Variants in ANO6 observed in about 807,000 individuals in gnomAD.
The protein encoded by ANO6 is anoctamin-6.
Under a neutral mutation model 117.5 loss-of-function variants are expected in ANO6, and 106 were observed. That is an observed-to-expected ratio of 0.90 (90% confidence interval 0.77 to 1.06). The LOEUF is 1.06. Ranked by LOEUF, ANO6 falls within the 50% of genes least tolerant of loss-of-function variation. The probability of loss-of-function intolerance (pLI) is 0.00; values close to 1 mark genes in which losing one functional copy is unlikely to be tolerated. For missense variants in ANO6, 955 were observed against 1,121.1 expected, an observed-to-expected ratio of 0.85 and a Z score of 2.12; for synonymous variants, 367 against 385.1, an observed-to-expected ratio of 0.95 and a Z score of 0.55.
At chr12:45,243,314 C>T (rs1317887317) in intron 1 of ANO6, among the ~76,000 whole-genome samples, 2 of 152,232 alleles carry the variant, frequency 1.3e-5, no homozygotes, top group East Asian at 1.9e-4. Context: ...GTGAGACCCT[C>T]TCTTAAAAAA....
intron 2 of ANO6, chr12:45,313,430 T>C (rs556893410): frequency 7.3e-4 from 111 of 152,212 alleles, no homozygotes; most frequent in African/African-American, 2.6e-3. Context: ...TTTAGCTATC[T>C]TAAAATGATG....
chr12:45,407,250 G>A (rs567573149), intron 15 of ANO6, among the ~76,000 whole-genome samples: 2 of 152,182 alleles, frequency 1.3e-5, no homozygotes, highest in African/African-American at 2.4e-5. Context: ...GCTGACACAA[G>A]TAGTTGCCAG....
chr12:45,296,737 A>C (rs1173115663), intron 1 of ANO6, among the ~76,000 whole-genome samples: 1 of 152,218 alleles, frequency 6.6e-6, no homozygotes, highest in Non-Finnish European at 1.5e-5. Flanking sequence ...TCAGGTTTAG[A>C]TTCCCATTGT....
intron 7 of ANO6, among the ~76,000 whole-genome samples, chr12:45,354,259 A>T (rs1367135355): frequency 6.6e-6 from 1 of 150,750 alleles, no homozygotes; most frequent in Non-Finnish European, 1.5e-5. Context: ...AGAAAATCAT[A>T]CAAAGGATCA....
chr12:45,334,811 T>C (rs1287166548), intron 3 of ANO6, among the ~76,000 whole-genome samples: 1 of 152,062 alleles, frequency 6.6e-6, no homozygotes, highest in East Asian at 1.9e-4. Context: ...CAAAGATGTT[T>C]TACATAAAAC....
intron 10 of ANO6, among the ~76,000 whole-genome samples, chr12:45,379,387 G>C (rs759400438): frequency 6.6e-6 from 1 of 152,170 alleles, no homozygotes; most frequent in Non-Finnish European, 1.5e-5. Flanking sequence ...ATCCCAGTCA[G>C]TTACATTGGC....
At chr12:45,284,667 T>C (rs1371038627) in intron 1 of ANO6, among the ~76,000 whole-genome samples, 2 of 152,238 alleles carry the variant, frequency 1.3e-5, no homozygotes, top group African/African-American at 4.8e-5. Flanking sequence ...GTATGTTTTA[T>C]TTACCTAAAG....
chr12:45,252,449 A>G (rs1937651662), intron 1 of ANO6, among the ~76,000 whole-genome samples: 1 of 152,238 alleles, frequency 6.6e-6, no homozygotes, highest in African/African-American at 2.4e-5. Flanking sequence ...GCATCTCCAA[A>G]GAAGCATAAT....
intron 1 of ANO6, among the ~76,000 whole-genome samples, chr12:45,236,489 T>C (rs1947647128): frequency 6.6e-6 from 1 of 152,232 alleles, no homozygotes; most frequent in African/African-American, 2.4e-5. Context: ...TTTGGTTTTC[T>C]GTCCTTGTGA....
At chr12:45,313,453 T>C (rs906206476) in intron 2 of ANO6, 1 of 152,042 alleles carries the variant, frequency 6.6e-6, no homozygotes, top group Non-Finnish European at 1.5e-5. Flanking sequence ...CATAATAATA[T>C]AGTGAATAGT....
At chr12:45,284,408 AAACTC>A (rs1278027543) in intron 1 of ANO6, among the ~76,000 whole-genome samples, 8 of 152,210 alleles carry the variant, frequency 5.3e-5, no homozygotes, top group Admixed American at 6.5e-5. Context: ...TCTGGCTTCT[AAACTC>A]ATCTTCTAGT....
chr12:45,373,568 C>T (rs554969385), intron 9 of ANO6, among the ~76,000 whole-genome samples: 10 of 152,228 alleles, frequency 6.6e-5, no homozygotes, highest in East Asian at 3.9e-4. Context: ...CACTCAAAAC[C>T]GCTCAACTAC....
intron 10 of ANO6, among the ~76,000 whole-genome samples, chr12:45,383,905 C>T (rs1437248347): frequency 1.3e-5 from 2 of 152,184 alleles, no homozygotes; most frequent in Admixed American, 6.5e-5. Context: ...AGAGAGTGAG[C>T]CTGTCCTTAG....
At position 45,431,677 on chromosome 12, in the gene ANO6, C is replaced by T. The variant is rs562594209; in HGVS notation, c.*2366C>T. On this transcript the variant is annotated 3_prime_UTR_variant, in exon 20 of 20. Coordinates refer to ENST00000320560, the MANE Select transcript of ANO6 (RefSeq NM_001025356.3). Reference sequence around the variant, plus strand: ...TGTTTGTTAGTGAGTCCACGGCTGACTTGCAGTGATAAAGAAAAGCATGGA... The same window carrying T: ...TGTTTGTTAGTGAGTCCACGGCTGATTTGCAGTGATAAAGAAAAGCATGGA... 3.0e-6 allele frequency: 3 copies of T among 985,446 alleles called. No individual in the cohort carries two copies. In the East Asian group the frequency reaches 3.4e-4, roughly 112 times the overall value. The allele number at this position is 985,446 out of a possible 1,614,324, so 61.0% of individuals were successfully genotyped here.
chr12:45,291,346 C>CAAAAAAAAAAA (rs747924513), intron 1 of ANO6, among the ~76,000 whole-genome samples: 1 of 48,224 alleles, frequency 2.1e-5, no homozygotes, highest in Non-Finnish European at 4.0e-5. Flanking sequence ...AACTCCGTCT[C>CAAAAAAAAAAA]AAAAAAAAAA....
chr12:45,243,645 G>A (rs574083701), intron 1 of ANO6, among the ~76,000 whole-genome samples: 2 of 152,150 alleles, frequency 1.3e-5, no homozygotes, highest in African/African-American at 4.8e-5. Context: ...CGCCTCCTGG[G>A]TTCAAGTGAT....
intron 1 of ANO6, chr12:45,270,613 C>G: frequency 2.1e-6 from 1 of 480,908 alleles, no homozygotes; most frequent in East Asian, 3.4e-5. Flanking sequence ...CCTGTCTTTC[C>G]TGTTATTTCT....
downstream of ANO6, among the ~76,000 whole-genome samples, chr12:45,435,919 G>A (rs1362953518): frequency 1.3e-5 from 2 of 152,184 alleles, no homozygotes; most frequent in Non-Finnish European, 2.9e-5. Flanking sequence ...AATGGCCAGA[G>A]CTTATATAAA....
intron 1 of ANO6, among the ~76,000 whole-genome samples, chr12:45,221,114 G>A (rs1947391640): frequency 6.6e-6 from 1 of 152,148 alleles, no homozygotes; most frequent in Admixed American, 6.5e-5. Flanking sequence ...GAGGCTTACT[G>A]CAGGTGGATA....
Sources: allele counts gnomAD v4.1 joint callset (sites outside exome capture counted in the v4.1 genomes callset), GRCh38; gene constraint gnomAD v4.1.1; transcripts MANE v1.5; gene names NCBI Gene and HGNC (gene_info 2026-07-23, HGNC 2026-07-21).